The following COMMD5 variants were observed in gnomAD, a reference collection of about 807,000 sequenced individuals.
COMMD5 encodes COMM domain-containing protein 5.
In COMMD5, 10 loss-of-function variants were observed where a neutral mutation model predicts 6.9. The ratio of observed to expected loss-of-function variants is 1.44; its 90% CI spans 0.89 to 2.45. The LOEUF (loss-of-function observed/expected upper bound fraction) is 2.45, where lower values mean the gene tolerates loss of function less well. COMMD5 is among the 30% of genes most tolerant of loss of function. The probability of loss-of-function intolerance (pLI) is 0.00; values close to 1 mark genes in which losing one functional copy is unlikely to be tolerated. For synonymous variants in COMMD5, 127 were observed against 125.3 expected, an observed-to-expected ratio of 1.01 and a Z score of -0.09; for missense variants, 234 against 287.8, an observed-to-expected ratio of 0.81 and a Z score of 1.35.
exon 2 of COMMD5, chr8:144,841,198 T>C (rs1026126231): frequency 1.4e-6 from 1 of 738,728 alleles, no homozygotes; most frequent in Non-Finnish European, 2.2e-6. Context: ...TTGAGAACTG[T>C]CAAAGGCTCT....
downstream of COMMD5, among the ~76,000 whole-genome samples, chr8:144,840,873 G>C (rs1829803293): frequency 6.6e-6 from 1 of 152,172 alleles, no homozygotes; most frequent in Non-Finnish European, 1.5e-5. Flanking sequence ...GTGCTCTTCT[G>C]AGCTCACGTA....
chr8:144,841,949 C>G (rs772793376), intron 1 of COMMD5: 1 of 1,614,010 alleles, frequency 6.2e-7, no homozygotes, highest in Non-Finnish European at 8.5e-7. Context: ...TTTAAATGCA[C>G]TGAGTGTGGA....
chr8:144,841,323 C>A (rs1412997037), exon 2 of COMMD5: 12 of 1,570,322 alleles, frequency 7.6e-6, no homozygotes, highest in Non-Finnish European at 1.0e-5. Context: ...AGCACAGGGC[C>A]TAAGGAACGT....
intron 1 of COMMD5, chr8:144,842,253 G>A: frequency 3.1e-6 from 5 of 1,613,978 alleles, no homozygotes; most frequent in Non-Finnish European, 4.2e-6. Flanking sequence ...AGCATCAAAG[G>A]ATGCATACTG....
At position 144,843,206 on chromosome 8, in the gene COMMD5, C is replaced by T. The variant is rs753125048; in HGVS notation, c.*117-1463G>A. ...TAAATGTGTATATATGTGAATAAAC[C>T]TATAGCCTTAACTTACTTATTTTAT... On this transcript the variant is annotated intron_variant and NMD_transcript_variant, in intron 1 of 1. Transcript: ENST00000530332. 2.1e-5 allele frequency: 32 copies of T among 1,522,566 alleles called. 1 individual carries two copies. In the South Asian group the frequency reaches 4.3e-4, roughly 20 times the overall value. 94.3% of individuals were successfully genotyped at this position (1,522,566 alleles called of 1,614,324 possible). A position where few individuals can be genotyped will look rare whatever the true frequency, so the allele number is the denominator to read the frequency against.
chr8:144,842,177 C>A, intron 1 of COMMD5: 2 of 1,614,116 alleles, frequency 1.2e-6, no homozygotes, highest in Non-Finnish European at 1.7e-6. Flanking sequence ...AGAACTCACA[C>A]TGGGGAGAGG....
intron 1 of COMMD5, among the ~76,000 whole-genome samples, chr8:144,844,937 T>G (rs1830430661): frequency 6.8e-6 from 1 of 146,842 alleles, no homozygotes; most frequent in Non-Finnish European, 1.5e-5. Flanking sequence ...GGAGAGGAAG[T>G]GGGGAAAAAC....
At chr8:144,838,701 G>C (rs975451293), downstream of COMMD5, 3 of 152,726 alleles carry the variant, frequency 2.0e-5, no homozygotes, top group Non-Finnish European at 2.9e-5. Flanking sequence ...CTAGCGATTT[G>C]GGAGGCCGAG....
intron 1 of COMMD5, among the ~76,000 whole-genome samples, chr8:144,845,057 T>C (rs1011619015): frequency 6.6e-6 from 1 of 152,122 alleles, no homozygotes; most frequent in Non-Finnish European, 1.5e-5. Context: ...AGAACCCCAA[T>C]TGCCTTACTT....
Position 144,851,372 on chromosome 8 carries a change from G to GT in COMMD5, c.-35_-34insA, listed in dbSNP as rs1396829435. The GT allele has an allele frequency of 1.3e-6, 2 of 1,577,250 alleles. No homozygotes were observed. Among genetic ancestry groups the GT allele is most frequent in the African/African-American group, 2.7e-5 (2 of 74,240 alleles). ...CTTCCTCTTTGATCAGCCAGCCCAG[G>GT]AGGTCGGTCCCAGATGCAGATGCCT... On this transcript the variant is annotated 5_prime_UTR_variant, in exon 2 of 2. An upstream open reading frame in the 5' UTR loses its in-frame stop. Coordinates refer to ENST00000305103, the MANE Select transcript of COMMD5 (RefSeq NM_014066.4).
At chr8:144,841,019 G>T, downstream of COMMD5, 1 of 249,314 alleles carries the variant, frequency 4.0e-6, no homozygotes, top group Non-Finnish European at 7.7e-6. Flanking sequence ...ATCCGTGGTA[G>T]CTTCCCACCC....
At chr8:144,843,113 A>G in intron 1 of COMMD5, 5 of 1,611,548 alleles carry the variant, frequency 3.1e-6, no homozygotes, top group Non-Finnish European at 3.4e-6. Context: ...GACTGTGGCA[A>G]AGCTTTTAAT....
chr8:144,852,515 G>C (rs1475710237), intron 1 of COMMD5: 1 of 152,348 alleles, frequency 6.6e-6, no homozygotes, highest in Non-Finnish European at 1.5e-5. Context: ...AGGCCACTCT[G>C]CACAGCGCTG....
downstream of COMMD5, among the ~76,000 whole-genome samples, chr8:144,848,180 T>C (rs188432591): frequency 3.6e-4 from 54 of 152,088 alleles, no homozygotes; most frequent in Admixed American, 2.9e-3. Flanking sequence ...ACCCCATCTC[T>C]ACAAAAAATC....
chr8:144,848,863 C>T (rs1350558985), downstream of COMMD5, among the ~76,000 whole-genome samples: 2 of 152,200 alleles, frequency 1.3e-5, no homozygotes, highest in Non-Finnish European at 2.9e-5. Context: ...GCAGTGCCAG[C>T]CCCAGTCCCA....
chr8:144,844,235 C>T (rs1008354198), intron 1 of COMMD5, among the ~76,000 whole-genome samples: 2 of 152,166 alleles, frequency 1.3e-5, no homozygotes, highest in Non-Finnish European at 2.9e-5. Context: ...CTTACTGGGC[C>T]TGTCAGAGAA....
intron 1 of COMMD5, among the ~76,000 whole-genome samples, chr8:144,844,364 T>C (rs910009461): frequency 2.8e-4 from 43 of 151,926 alleles, no homozygotes; most frequent in African/African-American, 1.0e-3. Flanking sequence ...GTTGCCCCAC[T>C]TTTTTTTGGT....
downstream of COMMD5, chr8:144,846,138 A>T (rs146324932): frequency 2.0e-6 from 3 of 1,536,320 alleles, no homozygotes; most frequent in African/African-American, 4.1e-5. Flanking sequence ...GTTCATGATC[A>T]GGACAGAAGG....
Position 144,850,526 on chromosome 8 carries a change from A to C in COMMD5, c.*138T>G. 3.3e-6 allele frequency: 3 copies of C among 905,412 alleles called. No individual in the cohort carries two copies. Among genetic ancestry groups the C allele is most frequent in the Non-Finnish European group, 4.9e-6 (3 of 610,188 alleles). 56.1% of individuals were successfully genotyped at this position (905,412 alleles called of 1,614,324 possible). ...CTTTTTCAATTAAACAGAAAACTAC[A>C]TAATTACGTTCAAACACTCACTGAA... On this transcript the variant is annotated 3_prime_UTR_variant, in exon 2 of 2. Coordinates refer to ENST00000305103, the MANE Select transcript of COMMD5 (RefSeq NM_014066.4). This position sits in a 1 kb window ranked among gnomAD's most constrained non-coding sequence, Gnocchi z 4.0.
Sources: gnomAD v4.1 joint callset for allele counts (sites outside exome capture counted in the v4.1 genomes callset) on GRCh38, gnomAD v4.1.1 for gene constraint, Gnocchi (gnomAD v3.1) non-coding constraint, MANE v1.5 for transcripts, NCBI Gene and HGNC (gene_info 2026-07-23, HGNC 2026-07-21) for gene names.